CCDC30: variants seen among roughly 807,000 people sequenced by gnomAD.
The protein encoded by CCDC30 is coiled-coil domain containing 30, also known as coiled-coil domain-containing protein 30.
A neutral mutation model predicts 100.2 loss-of-function variants in CCDC30; 70 were observed. The ratio of observed to expected loss-of-function variants is 0.70; its 90% confidence interval spans 0.58 to 0.85. The LOEUF (loss-of-function observed/expected upper bound fraction) is 0.85, where lower values mean the gene tolerates loss of function less well. Ranked by LOEUF, CCDC30 falls within the 40% of genes least tolerant of loss-of-function variation. The pLI is 0.00. For synonymous variants in CCDC30, 233 were observed against 269.5 expected, an observed-to-expected ratio of 0.86 and a Z score of 1.33; for missense variants, 652 against 771.2, an observed-to-expected ratio of 0.85 and a Z score of 1.83.
intron 6 of CCDC30, among the ~76,000 whole-genome samples, chr1:42,510,912 A>G (rs1240124960): frequency 1.3e-5 from 2 of 151,948 alleles, no homozygotes; most frequent in Non-Finnish European, 2.9e-5. Context: ...TCTAGTAAAA[A>G]GGCCATGCTC....
intron 6 of CCDC30, among the ~76,000 whole-genome samples, chr1:42,553,530 C>A (rs1389937660): frequency 2.0e-5 from 3 of 151,922 alleles, no homozygotes; most frequent in Admixed American, 6.6e-5. Flanking sequence ...GTGGCTTACA[C>A]CTGTAATCCC....
chr1:42,552,604 AT>A (rs879435787), intron 6 of CCDC30, among the ~76,000 whole-genome samples: 235 of 148,464 alleles, frequency 1.6e-3, no homozygotes, highest in Middle Eastern at 3.4e-3. Context: ...AAATGGAAAA[AT>A]TTTAAAAAAA....
At chr1:42,499,055 G>C (rs1345528882) in intron 6 of CCDC30, 139 bp downstream of exon 6, 5 of 415,332 alleles carry the variant, frequency 1.2e-5, no homozygotes, top group Non-Finnish European at 2.1e-5. Context: ...CAGCTAATTA[G>C]AGTGGAAGAG....
At chr1:42,599,367 G>T (rs1035603285) in intron 10 of CCDC30, among the ~76,000 whole-genome samples, 1 of 152,150 alleles carries the variant, frequency 6.6e-6, no homozygotes. Context: ...TTAGTTGTAT[G>T]TTATAAATTC....
intron 6 of CCDC30, among the ~76,000 whole-genome samples, chr1:42,528,542 G>A (rs921326403): frequency 2.6e-5 from 4 of 152,218 alleles, no homozygotes; most frequent in African/African-American, 7.2e-5. Context: ...AAAGAAGGAA[G>A]ATTGATTGGG....
chr1:42,456,239 G>C, the CCDC30 span: 1 of 608,266 alleles, frequency 1.6e-6, no homozygotes, highest in Non-Finnish European at 2.9e-6. Context: ...GACTCCCAAG[G>C]AGTCCAAGTC....
chr1:42,477,811 A>G (rs556149274), intron 1 of CCDC30, among the ~76,000 whole-genome samples: 1 of 152,324 alleles, frequency 6.6e-6, no homozygotes, highest in Admixed American at 6.5e-5. Flanking sequence ...GTGATGAGAA[A>G]GACAGGATGG....
intron 10 of CCDC30, among the ~76,000 whole-genome samples, chr1:42,603,790 A>T (rs1185442050): frequency 6.6e-6 from 1 of 152,230 alleles, no homozygotes. Flanking sequence ...TACCCAAAGG[A>T]GTTGAAAAAG....
intron 7 of CCDC30, among the ~76,000 whole-genome samples, chr1:42,567,511 C>T (rs1044411191): frequency 2.0e-5 from 3 of 152,138 alleles, no homozygotes; most frequent in African/African-American, 4.8e-5. Context: ...AACAAATATC[C>T]GTTTATCCCA....
At chr1:42,597,665 G>A (rs1646316748) in intron 10 of CCDC30, among the ~76,000 whole-genome samples, 1 of 151,814 alleles carries the variant, frequency 6.6e-6, no homozygotes, top group Admixed American at 6.6e-5. Context: ...AGCTGGGTAT[G>A]GTGGTGCACA....
At chr1:42,620,174 T>G (rs762105963) in intron 11 of CCDC30, among the ~76,000 whole-genome samples, 9 of 152,222 alleles carry the variant, frequency 5.9e-5, no homozygotes, top group Middle Eastern at 3.4e-3. Flanking sequence ...AAATAACTTC[T>G]CAGGAGCTAA....
chr1:42,523,282 T>C (rs1644675867), intron 6 of CCDC30, among the ~76,000 whole-genome samples: 1 of 152,256 alleles, frequency 6.6e-6, no homozygotes, highest in Non-Finnish European at 1.5e-5. Flanking sequence ...TAAACAACTT[T>C]ACAGCTTTTC....
chr1:42,497,008 C>T, intron 4 of CCDC30, 90 bp from the exon 5 acceptor site: 1 of 560,854 alleles, frequency 1.8e-6, no homozygotes, highest in South Asian at 9.3e-5. Flanking sequence ...GAAGGGCAGG[C>T]TAAATAGCAC....
intron 10 of CCDC30, chr1:42,592,092 T>C (rs928133422): frequency 6.6e-6 from 1 of 152,206 alleles, no homozygotes; most frequent in African/African-American, 2.4e-5. Context: ...TTTTACAGGC[T>C]CATAAGTGGA....
upstream of CCDC30, among the ~76,000 whole-genome samples, chr1:42,460,779 ATC>A (rs895527755): frequency 7.9e-5 from 12 of 152,346 alleles, no homozygotes; most frequent in East Asian, 3.9e-4. Context: ...AATGAGGATA[ATC>A]TCTCTGCAAA....
intron 4 of CCDC30, among the ~76,000 whole-genome samples, chr1:42,493,983 G>T (rs910346478): frequency 3.3e-5 from 5 of 152,240 alleles, no homozygotes; most frequent in Admixed American, 6.5e-5. Context: ...GGAGGCCAAG[G>T]GGGGTGAATC....
chr1:42,603,464 T>G (rs1459499755), intron 10 of CCDC30, among the ~76,000 whole-genome samples: 2 of 152,182 alleles, frequency 1.3e-5, no homozygotes, highest in Non-Finnish European at 2.9e-5. Context: ...TAAAAAGGAT[T>G]TGACAAAATC....
At chr1:42,545,625 A>T in intron 6 of CCDC30, 46 bp downstream of exon 9, 1 of 1,517,912 alleles carries the variant, frequency 6.6e-7, no homozygotes, top group Non-Finnish European at 8.9e-7. Context: ...CAGAGAGGGT[A>T]TATTTTATTT....
intron 6 of CCDC30, among the ~76,000 whole-genome samples, chr1:42,520,343 T>G (rs1237577394): frequency 6.6e-6 from 1 of 151,840 alleles, no homozygotes; most frequent in Non-Finnish European, 1.5e-5. Flanking sequence ...TTCTCTTTTT[T>G]TTTTTTGAGA....
Sources: gnomAD v4.1 joint callset for allele counts (sites outside exome capture counted in the v4.1 genomes callset) on GRCh38, gnomAD v4.1.1 for gene constraint, MANE v1.5 for transcripts, NCBI Gene and HGNC (gene_info 2026-07-23, HGNC 2026-07-21) for gene names.